Variants in C8A observed in about 807,000 individuals in gnomAD.
C8A encodes complement component C8 alpha chain.
In C8A, 67 loss-of-function variants were observed where a neutral mutation model predicts 65.3. The ratio of observed to expected loss-of-function variants is 1.03; its 90% CI spans 0.84 to 1.26. C8A has a LOEUF of 1.26. C8A is among the 50% of genes most tolerant of loss of function. The pLI is 0.00. For missense variants in C8A, 781 were observed against 723.9 expected (o/e 1.08, Z -0.90); for synonymous variants, 290 against 259.4 (o/e 1.12, Z -1.13).
rs757222387 is a variant in C8A at position 56,881,518 on chromosome 1, G to A, written c.538G>A (p.Val180Ile). ...TTATTATGGGGGCCAGTGTGAGACG[G>A]TATACAATGGGGAATGGAGGGAGCT... ...ASYYGGQCET[V>I]YNGEWRELRY... The change falls in exon 5 of 11, where the codon GTA becomes ATA. Residue 180 changes from valine (V) to isoleucine (I), a missense_variant. Coordinates refer to ENST00000361249, the MANE Select transcript of C8A (RefSeq NM_000562.3). The A allele has an allele frequency of 6.2e-7, 1 of 1,613,720 alleles. No homozygotes were observed. Among genetic ancestry groups the A allele is most frequent in the Non-Finnish European group, 8.5e-7 (1 of 1,179,734 alleles).
At chr1:56,908,670 G>C (rs1053376165) in intron 9 of C8A, among the ~76,000 whole-genome samples, 11 of 152,148 alleles carry the variant, frequency 7.2e-5, no homozygotes, top group Non-Finnish European at 1.6e-4. Flanking sequence ...ATCCTCCACA[G>C]TTATCTCATC....
chr1:56,856,484 C>A (rs978051059), intron 1 of C8A, among the ~76,000 whole-genome samples: 2 of 152,032 alleles, frequency 1.3e-5, no homozygotes, highest in Non-Finnish European at 1.5e-5. Context: ...TGATGGTTGA[C>A]AATAATCAGA....
intron 1 of C8A, among the ~76,000 whole-genome samples, chr1:56,861,687 C>T (rs1252815231): frequency 6.6e-6 from 1 of 152,186 alleles, no homozygotes; most frequent in Admixed American, 6.5e-5. Context: ...CTGCACTTAG[C>T]AACATGGAGG....
At chr1:56,896,123 G>A (rs1295328310) in intron 7 of C8A, among the ~76,000 whole-genome samples, 1 of 152,062 alleles carries the variant, frequency 6.6e-6, no homozygotes, top group Non-Finnish European at 1.5e-5. Context: ...ATCATCAATA[G>A]CCCTAAGGGA....
rs758786260 is a variant in C8A, at chr1:56,886,009, G to A, written c.938G>A (p.Gly313Glu). ...AAGGATGACATTATGCTGGATGAAG[G>A]AATGCTGCAGTCATTAATGGAGCTT... Reference protein sequence around the residue: ...MRKDDIMLDEGMLQSLMELPD... With the variant: ...MRKDDIMLDEEMLQSLMELPD... Residue 313 changes from glycine (G) to glutamate (E), a missense_variant, in exon 7 of 11, where the codon GGA (glycine) becomes GAA (glutamate). Coordinates refer to ENST00000361249, the MANE Select transcript of C8A (RefSeq NM_000562.3). 3.1e-6 allele frequency: 5 copies of A among 1,614,064 alleles called. No homozygotes were observed. Among genetic ancestry groups the A allele is most frequent in the Non-Finnish European group, 4.2e-6 (5 of 1,179,964 alleles).
intron 1 of C8A, among the ~76,000 whole-genome samples, chr1:56,865,728 G>C (rs998567950): frequency 6.6e-6 from 1 of 152,128 alleles, no homozygotes; most frequent in African/African-American, 2.4e-5. Flanking sequence ...AACATTACTT[G>C]TTACTAATGA....
At chr1:56,913,401 G>A (rs1034567710) in intron 10 of C8A, among the ~76,000 whole-genome samples, 2 of 152,204 alleles carry the variant, frequency 1.3e-5, no homozygotes, top group South Asian at 4.1e-4. Flanking sequence ...GGCAAGGAAG[G>A]TTTAAATGCA....
At chr1:56,883,916 C>A (rs576273681) in intron 6 of C8A, among the ~76,000 whole-genome samples, 1 of 151,844 alleles carries the variant, frequency 6.6e-6, no homozygotes, top group Non-Finnish European at 1.5e-5. Context: ...CTTTGCCCCC[C>A]CCATCATCAT....
intron 8 of C8A, 149 bp downstream of exon 8, chr1:56,906,941 C>G: frequency 1.1e-6 from 1 of 950,584 alleles, no homozygotes; most frequent in South Asian, 1.4e-5. Flanking sequence ...AAAACAATGA[C>G]CTGCAGTGGC....
intron 1 of C8A, among the ~76,000 whole-genome samples, chr1:56,864,523 AC>A: frequency 6.6e-6 from 1 of 152,296 alleles, no homozygotes; most frequent in Middle Eastern, 3.4e-3. Context: ...GCCCCAAGTA[AC>A]TATTCACAGG....
At chr1:56,893,103 CTT>C (rs920901809) in intron 7 of C8A, among the ~76,000 whole-genome samples, 44 of 151,278 alleles carry the variant, frequency 2.9e-4, no homozygotes, top group African/African-American at 9.5e-4. Flanking sequence ...CCTGAGATAT[CTT>C]TTTTTTTAAT....
chr1:56,904,591 G>T (rs1570349640), intron 7 of C8A, among the ~76,000 whole-genome samples: 1 of 152,132 alleles, frequency 6.6e-6, no homozygotes, highest in Non-Finnish European at 1.5e-5. Context: ...AATACCACAG[G>T]CTTCTAAACA....
Position 56,917,887 on chromosome 1 carries a change from A to G in C8A, c.*171A>G, listed in dbSNP as rs1644566905. 6 of 695,002 alleles carry G rather than the reference A, an allele frequency of 8.6e-6. No homozygotes were observed. The South Asian group carries it at 9.6e-5, about 11-fold the overall frequency. 43.1% of individuals were successfully genotyped at this position (695,002 alleles called of 1,614,324 possible). ...TTTGCTGTCTACAGCCAACTATTCT[A>G]TTAGTTACAAAACTCAATCATTTTA... On this transcript the variant is annotated 3_prime_UTR_variant, in exon 11 of 11. Transcript: ENST00000361249.
intron 7 of C8A, among the ~76,000 whole-genome samples, chr1:56,898,131 G>A (rs1231967774): frequency 6.6e-6 from 1 of 152,118 alleles, no homozygotes; most frequent in Non-Finnish European, 1.5e-5. Context: ...ATGAGTAAAA[G>A]GAGATGAATG....
At chr1:56,875,983 A>G (rs1006986017) in intron 3 of C8A, 79 bp from the exon 4 acceptor site, 38 of 1,543,198 alleles carry the variant, frequency 2.5e-5, no homozygotes, top group Admixed American at 7.5e-5. Context: ...TTTCTGAGGA[A>G]GAAAGGACTT....
At chr1:56,903,423 C>T (rs947278814) in intron 7 of C8A, among the ~76,000 whole-genome samples, 1 of 152,152 alleles carries the variant, frequency 6.6e-6, no homozygotes, top group African/African-American at 2.4e-5. Flanking sequence ...GCTTCCCCAG[C>T]CATGCTGCAC....
At chr1:56,906,062 C>T (rs77421468) in intron 7 of C8A, among the ~76,000 whole-genome samples, 5,448 of 152,174 alleles carry the variant, frequency 0.036, 331 homozygotes, top group African/African-American at 0.12. Flanking sequence ...CCATGGTGAT[C>T]CATCCATCTT....
At chr1:56,875,478 C>T (rs1210062836) in intron 3 of C8A, among the ~76,000 whole-genome samples, 1 of 152,136 alleles carries the variant, frequency 6.6e-6, no homozygotes, top group Non-Finnish European at 1.5e-5. Context: ...AATTACAACA[C>T]TGTGTGATAG....
intron 10 of C8A, 100 bp downstream of exon 10, chr1:56,912,725 C>G: frequency 9.3e-7 from 1 of 1,071,204 alleles, no homozygotes; most frequent in Non-Finnish European, 1.4e-6. Flanking sequence ...TTTTGGAGCT[C>G]TCCTAGCCAA....
Sources: gnomAD v4.1 joint callset for allele counts (sites outside exome capture counted in the v4.1 genomes callset) on GRCh38, gnomAD v4.1.1 for gene constraint, MANE v1.5 for transcripts, NCBI Gene and HGNC (gene_info 2026-07-23, HGNC 2026-07-21) for gene names.